The following TPD52 variants were observed in gnomAD, a reference collection of about 807,000 sequenced individuals.
TPD52 encodes the protein prostate and colon associated protein.
In TPD52, 17 loss-of-function variants were observed where a neutral mutation model predicts 31.3. The observed-to-expected ratio is 0.54, with a 90% confidence interval of 0.37 to 0.82. The LOEUF is 0.82. Among genes scored for constraint, TPD52 ranks in the 40% least tolerant of loss-of-function variants. TPD52 has a pLI of 0.00. For missense variants in TPD52, 212 were observed against 240.1 expected, an observed-to-expected ratio of 0.88 and a Z score of 0.77; for synonymous variants, 83 against 89.6, an observed-to-expected ratio of 0.93 and a Z score of 0.42.
intron 1 of TPD52, among the ~76,000 whole-genome samples, chr8:80,162,584 C>T (rs555635521): frequency 4.6e-5 from 7 of 151,124 alleles, no homozygotes; most frequent in African/African-American, 1.7e-4. Flanking sequence ...AATTGCATCA[C>T]TGCACTCTAG....
downstream of TPD52, among the ~76,000 whole-genome samples, chr8:80,032,414 A>T (rs1311661056): frequency 2.0e-5 from 3 of 152,122 alleles, no homozygotes; most frequent in Non-Finnish European, 4.4e-5. Flanking sequence ...GCTTTATTAA[A>T]TACAGGCCTG....
Position 80,053,307 on chromosome 8 carries a change from A to G in TPD52, c.259T>C (p.Trp87Arg), listed in dbSNP as rs769988218. ...GCAGATGTTGCTGTCACGTCTTGCC[A>G]CCCTTTGGCAATGTTCTGTTTTAGT... ...QELKQNIAKG[W>R]QDVTATSAYK... is the part of the protein sequence containing the mutation. Residue 87 changes from tryptophan (W) to arginine (R), a missense_variant, in exon 3 of 8, where the codon TGG becomes CGG. Physicochemically the swap from Trp to Arg is moderately radical, Grantham distance 101 (BLOSUM62 -3). Coordinates refer to ENST00000518937, the MANE Select transcript of TPD52 (RefSeq NM_001025253.3). 3 of 1,613,576 alleles carry G rather than the reference A, an allele frequency of 1.9e-6. No individual in the cohort carries two copies. The highest frequency in any genetic ancestry group is 2.5e-6 in the Non-Finnish European group (3 of 1,179,628).
rs1812882471 is a variant in TPD52 at position 80,064,358 on chromosome 8, A to G, written c.135+120T>C. 5 of 808,772 alleles carry G rather than the reference A, an allele frequency of 6.2e-6. No individual in the cohort carries two copies. In the East Asian group the frequency reaches 1.3e-4, roughly 21 times the overall value. 50.1% of individuals were successfully genotyped at this position (808,772 alleles called of 1,614,324 possible). A position where few individuals can be genotyped will look rare whatever the true frequency, so the allele number is the denominator to read the frequency against. On this transcript the variant is annotated intron_variant, in intron 2 of 7. Transcript: ENST00000518937. ...CTACTCAAGACCTGCTGGAGAAGTA[A>G]ACACATATGCTTTCTCTCCCCTGGA...
chr8:80,091,439 AGCCTGGGC>A (rs1816259878), intron 1 of TPD52, among the ~76,000 whole-genome samples: 4 of 150,374 alleles, frequency 2.7e-5, no homozygotes, highest in Non-Finnish European at 4.4e-5. Context: ...ACTGCGCTCC[AGCCTGGGC>A]GACAGAGACT....
intron 1 of TPD52, among the ~76,000 whole-genome samples, chr8:80,146,482 G>A (rs1174318324): frequency 6.6e-6 from 1 of 152,228 alleles, no homozygotes; most frequent in Non-Finnish European, 1.5e-5. Context: ...AGCTTAGGCA[G>A]AGAATAAAAC....
intron 5 of TPD52, among the ~76,000 whole-genome samples, chr8:80,046,869 T>C (rs1563566467): frequency 6.6e-6 from 1 of 152,194 alleles, no homozygotes; most frequent in Non-Finnish European, 1.5e-5. Flanking sequence ...TCCTTGTTTC[T>C]AACAGTTATC....
At chr8:80,135,873 A>C (rs1229349861) in intron 1 of TPD52, among the ~76,000 whole-genome samples, 1 of 139,866 alleles carries the variant, frequency 7.1e-6, no homozygotes, top group Admixed American at 7.5e-5. Context: ...TCAGTAAACT[A>C]TCACAAGAAC....
chr8:80,090,677 A>G (rs948353683), intron 1 of TPD52, among the ~76,000 whole-genome samples: 1 of 152,172 alleles, frequency 6.6e-6, no homozygotes, highest in Non-Finnish European at 1.5e-5. Flanking sequence ...ATGGGGGAAA[A>G]AAGACTATTA....
intron 1 of TPD52, among the ~76,000 whole-genome samples, chr8:80,135,071 A>G (rs1809296636): frequency 6.6e-6 from 1 of 152,196 alleles, no homozygotes; most frequent in African/African-American, 2.4e-5. Context: ...ACTGCCAGGC[A>G]GAGGTATTAC....
intron 1 of TPD52, among the ~76,000 whole-genome samples, chr8:80,119,052 G>A (rs750634236): frequency 6.6e-6 from 1 of 152,044 alleles, no homozygotes; most frequent in Non-Finnish European, 1.5e-5. Flanking sequence ...AATAAAATAT[G>A]GTACATGTAT....
At chr8:80,122,413 T>C (rs1391646454) in intron 1 of TPD52, among the ~76,000 whole-genome samples, 2 of 152,152 alleles carry the variant, frequency 1.3e-5, no homozygotes, top group South Asian at 2.1e-4. Context: ...GAGATGGGCA[T>C]GCGCATCAGA....
At chr8:80,086,877 C>CAAAAAAAAAAAAAAAAAAAAAAA (rs58864911) in intron 1 of TPD52, among the ~76,000 whole-genome samples, 1 of 76,564 alleles carries the variant, frequency 1.3e-5, no homozygotes, top group African/African-American at 4.7e-5. Flanking sequence ...GCTGTCTCAA[C>CAAAAAAAAAAAAAAAAAAAAAAA]AAAAAAAAAA....
intron 1 of TPD52, among the ~76,000 whole-genome samples, chr8:80,078,665 C>T (rs1247439035): frequency 3.3e-5 from 5 of 152,170 alleles, no homozygotes; most frequent in Non-Finnish European, 7.3e-5. Context: ...CTTGTTCACC[C>T]TCTTTTCTTT....
intron 1 of TPD52, among the ~76,000 whole-genome samples, chr8:80,102,663 T>C (rs948187500): frequency 1.2e-4 from 18 of 152,168 alleles, no homozygotes; most frequent in Admixed American, 2.6e-4. Context: ...GCTCCTAAAA[T>C]CTTTGGAATC....
chr8:80,111,489 CAG>C, intron 1 of TPD52, among the ~76,000 whole-genome samples: 1 of 152,128 alleles, frequency 6.6e-6, no homozygotes, highest in East Asian at 1.9e-4. Context: ...GTACTGGTAA[CAG>C]AAGCATTCTG....
intron 3 of TPD52, chr8:80,052,577 T>C: frequency 7.8e-7 from 1 of 1,280,408 alleles, no homozygotes; most frequent in Middle Eastern, 2.1e-4. Flanking sequence ...CTTCTGATAG[T>C]TAAATTGTAA....
At chr8:80,061,726 A>G (rs1812578267) in intron 2 of TPD52, among the ~76,000 whole-genome samples, 1 of 152,126 alleles carries the variant, frequency 6.6e-6, no homozygotes, top group Admixed American at 6.6e-5. Flanking sequence ...AATTCAACAA[A>G]GCTGCAAAAT....
intron 1 of TPD52, among the ~76,000 whole-genome samples, chr8:80,117,045 T>C (rs1326401793): frequency 3.9e-5 from 6 of 152,194 alleles, no homozygotes; most frequent in African/African-American, 1.4e-4. Flanking sequence ...GCAGCTAACA[T>C]CTTAGTTAAC....
At chr8:80,090,468 CA>C (rs539070289) in intron 1 of TPD52, among the ~76,000 whole-genome samples, 1 of 152,178 alleles carries the variant, frequency 6.6e-6, no homozygotes, top group East Asian at 1.9e-4. Context: ...CGGGGCAGAC[CA>C]GGGGCCAAGG....
Sources: gnomAD v4.1 joint callset for allele counts (sites outside exome capture counted in the v4.1 genomes callset) on GRCh38, gnomAD v4.1.1 for gene constraint, MANE v1.5 for transcripts, NCBI Gene and HGNC (gene_info 2026-07-23, HGNC 2026-07-21) for gene names.